TIMP3: variants seen among roughly 807,000 people sequenced by gnomAD.
TIMP3 encodes the protein TIMP metallopeptidase inhibitor 3, also known as metalloproteinase inhibitor 3.
In TIMP3, 11 loss-of-function variants were observed where a neutral mutation model predicts 30.0. The observed-to-expected ratio is 0.37, with a 90% CI of 0.23 to 0.61. The LOEUF is 0.61. Among genes scored for constraint, TIMP3 ranks in the 20% least tolerant of loss-of-function variants. The probability of loss-of-function intolerance (pLI) is 0.70; values close to 1 mark genes in which losing one functional copy is unlikely to be tolerated. For synonymous variants in TIMP3, 112 were observed against 111.3 expected, an observed-to-expected ratio of 1.01 and a Z score of -0.04; for missense variants, 181 against 276.8, an observed-to-expected ratio of 0.65 and a Z score of 2.45.
intron 1 of TIMP3, among the ~76,000 whole-genome samples, chr22:32,831,813 T>C: frequency 6.6e-6 from 1 of 152,130 alleles, no homozygotes; most frequent in East Asian, 1.9e-4. Context: ...TACTCTTGGC[T>C]GGACTGTCAG....
At chr22:32,840,538 G>C (rs1382122129) in intron 1 of TIMP3, among the ~76,000 whole-genome samples, 1 of 151,990 alleles carries the variant, frequency 6.6e-6, no homozygotes, top group East Asian at 1.9e-4. Context: ...TGCAGTGGGA[G>C]GGGGGTCATC....
intron 1 of TIMP3, among the ~76,000 whole-genome samples, chr22:32,847,249 A>G (rs1024421590): frequency 6.6e-6 from 1 of 152,218 alleles, no homozygotes; most frequent in African/African-American, 2.4e-5. Flanking sequence ...TGGAGGAAAC[A>G]GTCCCCGGGG....
chr22:32,818,708 C>G (rs951484390), intron 1 of TIMP3, among the ~76,000 whole-genome samples: 18 of 152,254 alleles, frequency 1.2e-4, no homozygotes, highest in African/African-American at 3.8e-4. Flanking sequence ...TAACTGCAGT[C>G]AGAAAAGCTG....
At chr22:32,858,391 G>A (rs1343611502) in intron 4 of TIMP3, among the ~76,000 whole-genome samples, 2 of 152,146 alleles carry the variant, frequency 1.3e-5, no homozygotes, top group Non-Finnish European at 2.9e-5. Context: ...GGAAGCTGCT[G>A]GGGCATGAGG....
At chr22:32,811,225 C>T (rs1054213376) in intron 1 of TIMP3, among the ~76,000 whole-genome samples, 2 of 152,094 alleles carry the variant, frequency 1.3e-5, no homozygotes, top group African/African-American at 2.4e-5. Context: ...GATAAGCAGA[C>T]TGAGGGGGGC....
chr22:32,838,238 A>G (rs1368435188), intron 1 of TIMP3, among the ~76,000 whole-genome samples: 1 of 152,212 alleles, frequency 6.6e-6, no homozygotes, highest in Non-Finnish European at 1.5e-5. Flanking sequence ...ATGAATTTCA[A>G]GTGGACTTGA....
chr22:32,846,408 CTGAAGATGGTA>C (rs1183282337), intron 1 of TIMP3, among the ~76,000 whole-genome samples: 1 of 152,228 alleles, frequency 6.6e-6, no homozygotes, highest in Non-Finnish European at 1.5e-5. Flanking sequence ...TGTTAGAAGT[CTGAAGATGGTA>C]TGCCCTAAGA....
intron 2 of TIMP3, among the ~76,000 whole-genome samples, chr22:32,850,094 C>A (rs2048177139): frequency 6.7e-6 from 1 of 149,710 alleles, no homozygotes; most frequent in Non-Finnish European, 1.5e-5. Context: ...TGATTGTCTT[C>A]TTGCATCCTA....
At chr22:32,814,164 GAGAA>G (rs2046999196) in intron 1 of TIMP3, among the ~76,000 whole-genome samples, 3 of 121,914 alleles carry the variant, frequency 2.5e-5, no homozygotes, top group Non-Finnish European at 5.0e-5. Context: ...GAGAGAGAGA[GAGAA>G]AGAGAAAGAA....
chr22:32,838,639 A>C (rs1007552152), intron 1 of TIMP3, among the ~76,000 whole-genome samples: 1 of 152,058 alleles, frequency 6.6e-6, no homozygotes, highest in Non-Finnish European at 1.5e-5. Context: ...ATTTTGGAAC[A>C]ATGTCGGTAT....
intron 1 of TIMP3, among the ~76,000 whole-genome samples, chr22:32,830,762 G>T (rs551147589): frequency 6.6e-6 from 1 of 152,218 alleles, no homozygotes; most frequent in East Asian, 1.9e-4. Context: ...CCAGTCACAT[G>T]GACCGTGAGT....
intron 2 of TIMP3, among the ~76,000 whole-genome samples, chr22:32,853,036 T>TGCATGTCCTGA (rs1211346611): frequency 1.1e-4 from 16 of 152,338 alleles, no homozygotes; most frequent in African/African-American, 3.8e-4. Flanking sequence ...TCATGTGCTT[T>TGCATGTCCTGA]GCATGTCCTG....
chr22:32,818,849 A>G (rs1406355658), intron 1 of TIMP3, among the ~76,000 whole-genome samples: 1 of 152,182 alleles, frequency 6.6e-6, no homozygotes, highest in Non-Finnish European at 1.5e-5. Flanking sequence ...CAGTCTGGGT[A>G]AGAATTCCCT....
Position 32,818,338 on chromosome 22 carries a change from A to C in TIMP3, c.121+16216A>C, listed in dbSNP as rs368219269. ...GTCCATCAGGGGCACTCACATTTAG[A>C]ATGGGGGAGTCTTAGTTAGCCCAGG... On this transcript the variant is annotated intron_variant, in intron 1 of 4. Coordinates refer to ENST00000266085, the MANE Select transcript of TIMP3 (RefSeq NM_000362.5). Among the ~76,000 whole-genome samples the C allele has an allele frequency of 1.2e-3, 179 of 152,192 alleles. 1 individual carries two copies. The highest frequency in any genetic ancestry group is 4.1e-3 in the African/African-American group (169 of 41,554).
intron 1 of TIMP3, among the ~76,000 whole-genome samples, chr22:32,839,428 G>A (rs933298874): frequency 3.3e-5 from 5 of 152,076 alleles, no homozygotes; most frequent in Admixed American, 3.3e-4. Context: ...ATCATGCTTG[G>A]TGAACACTTT....
chr22:32,818,657 C>T (rs1049133732), intron 1 of TIMP3, among the ~76,000 whole-genome samples: 35 of 152,316 alleles, frequency 2.3e-4, no homozygotes, highest in East Asian at 5.8e-4. Flanking sequence ...GTCTCCCCTC[C>T]GGCGCTGGGC....
At chr22:32,827,155 G>C (rs950301078) in intron 1 of TIMP3, among the ~76,000 whole-genome samples, 5 of 152,228 alleles carry the variant, frequency 3.3e-5, no homozygotes, top group African/African-American at 1.2e-4. Flanking sequence ...TTCTGAAAGT[G>C]AGGGCAGGAG....
chr22:32,859,141 G>A (rs1299282381), intron 4 of TIMP3, 39 bp from the exon 5 acceptor site: 19 of 1,611,116 alleles, frequency 1.2e-5, no homozygotes, highest in Non-Finnish European at 1.7e-6. Flanking sequence ...GGCATACCAT[G>A]GCAGAGTCCA....
intron 1 of TIMP3, among the ~76,000 whole-genome samples, chr22:32,809,771 C>T (rs5749516): frequency 0.047 from 7,230 of 152,244 alleles, 209 homozygotes; most frequent in African/African-American, 0.06. Flanking sequence ...TCATGGGTTC[C>T]TGGGTGATTG....
Sources: gnomAD v4.1 joint callset for allele counts (sites outside exome capture counted in the v4.1 genomes callset) on GRCh38, gnomAD v4.1.1 for gene constraint, MANE v1.5 for transcripts, NCBI Gene and HGNC (gene_info 2026-07-23, HGNC 2026-07-21) for gene names.